HTRA1: variants seen among roughly 807,000 people sequenced by gnomAD.
HTRA1 encodes the protein HtrA serine peptidase 1.
In HTRA1, 26 loss-of-function variants were observed where a neutral mutation model predicts 49.7. The ratio of observed to expected loss-of-function variants is 0.52; its 90% confidence interval spans 0.38 to 0.73. The LOEUF (loss-of-function observed/expected upper bound fraction) is 0.73. HTRA1 is among the 30% of genes least tolerant of loss of function. HTRA1 has a pLI of 0.00. For missense variants in HTRA1, 561 were observed against 667.2 expected, an observed-to-expected ratio of 0.84 and a Z score of 1.75; for synonymous variants, 291 against 286.9, an observed-to-expected ratio of 1.01 and a Z score of -0.14.
intron 4 of HTRA1, among the ~76,000 whole-genome samples, 188 bp downstream of exon 4, chr10:122,507,073 A>G (rs1242918178): frequency 2.0e-5 from 3 of 152,216 alleles, no homozygotes; most frequent in African/African-American, 7.2e-5. Flanking sequence ...ACACCGGAGC[A>G]GGTGGACAGC....
intron 3 of HTRA1, among the ~76,000 whole-genome samples, chr10:122,500,371 A>AT (rs1038726758): frequency 1.1e-4 from 17 of 152,278 alleles, no homozygotes; most frequent in African/African-American, 3.9e-4. Flanking sequence ...CTGCTAATGG[A>AT]TTTTTTGGAA....
chr10:122,497,217 C>G (rs994837549), intron 3 of HTRA1, among the ~76,000 whole-genome samples: 1 of 152,182 alleles, frequency 6.6e-6, no homozygotes, highest in African/African-American at 2.4e-5. Flanking sequence ...TCCTTCTTTG[C>G]TTTATCTACC....
chr10:122,478,643 T>C (rs4328161), intron 1 of HTRA1, among the ~76,000 whole-genome samples: 79,508 of 151,442 alleles, frequency 0.53, 22,344 homozygotes, highest in African/African-American at 0.73. Flanking sequence ...CTGCCTGCCT[T>C]GGCCTCCCAA....
chr10:122,461,697 G>T lies in HTRA1; in HGVS notation c.45G>T (p.Leu15=). 1.5e-6 allele frequency: 2 copies of T among 1,302,344 alleles called. No homozygotes were observed. The highest frequency in any genetic ancestry group is 4.7e-5 in the East Asian group (1 of 21,320). 80.7% of individuals were successfully genotyped at this position (1,302,344 alleles called of 1,614,324 possible). Reference sequence around the variant, plus strand: ...CTCTTCTCCCGCTGCTGCTGCTGCTGCTGGCGGCGCCCGCCTCGGCGCAGC... The same window carrying T: ...CTCTTCTCCCGCTGCTGCTGCTGCTTCTGGCGGCGCCCGCCTCGGCGCAGC... ...RAALLPLLLL[L]LAAPASAQLS... The change falls in exon 1 of 9, where the codon CTG becomes CTT. Residue 15 remains leucine (L), a synonymous_variant. Coordinates refer to ENST00000368984, the MANE Select transcript of HTRA1 (RefSeq NM_002775.5).
chr10:122,499,571 C>A (rs1007361154), intron 3 of HTRA1, among the ~76,000 whole-genome samples: 1 of 152,120 alleles, frequency 6.6e-6, no homozygotes, highest in South Asian at 2.1e-4. Flanking sequence ...TTCACAGTTC[C>A]TCCCCTGCCC....
chr10:122,472,073 A>C (rs893677880), intron 1 of HTRA1, among the ~76,000 whole-genome samples: 1 of 152,158 alleles, frequency 6.6e-6, no homozygotes, highest in Non-Finnish European at 1.5e-5. Flanking sequence ...ATCAGTATAA[A>C]TATCATGGTG....
rs1406515698 is a variant in HTRA1, at chr10:122,506,212, C to T, written c.778-479C>T. On this transcript the variant is annotated intron_variant, in intron 3 of 8. Coordinates refer to ENST00000368984, the MANE Select transcript of HTRA1 (RefSeq NM_002775.5). This position sits in a 1 kb window ranked among gnomAD's most constrained non-coding sequence, Gnocchi z 5.2. ...CGCAGAGCACCCCAAATATTCCAGG[C>T]CTCAGGACGGATGTGCACATGATGA... Among the ~76,000 whole-genome samples, 2 of 150,746 alleles carry T rather than the reference C, an allele frequency of 1.3e-5. No individual in the cohort carries two copies. Among genetic ancestry groups the T allele is most frequent in the Non-Finnish European group, 3.0e-5 (2 of 67,598 alleles).
intron 1 of HTRA1, among the ~76,000 whole-genome samples, chr10:122,480,570 G>A (rs939690874): frequency 6.6e-6 from 1 of 152,180 alleles, no homozygotes; most frequent in Admixed American, 6.5e-5. Flanking sequence ...TGGTGATTGA[G>A]GGTCCCTGCT....
chr10:122,476,245 A>G (rs1281337540), intron 1 of HTRA1, among the ~76,000 whole-genome samples: 6 of 151,654 alleles, frequency 4.0e-5, no homozygotes, highest in African/African-American at 1.5e-4. Flanking sequence ...GTCTTTCCCC[A>G]CTCCTCTGCC....
intron 1 of HTRA1, among the ~76,000 whole-genome samples, chr10:122,471,715 AGGGGCCAGTGT>A (rs2097486206): frequency 6.6e-6 from 1 of 152,178 alleles, no homozygotes; most frequent in African/African-American, 2.4e-5. Flanking sequence ...GCTCATCTGT[AGGGGCCAGTGT>A]GGAGTCTGTT....
intron 1 of HTRA1, among the ~76,000 whole-genome samples, chr10:122,473,463 A>G (rs1052955485): frequency 6.6e-6 from 1 of 152,202 alleles, no homozygotes; most frequent in Non-Finnish European, 1.5e-5. Flanking sequence ...TATTTATTCA[A>G]ATGTTTTGTA....
intron 1 of HTRA1, among the ~76,000 whole-genome samples, chr10:122,465,820 C>T (rs909467773): frequency 6.6e-6 from 1 of 152,204 alleles, no homozygotes; most frequent in Non-Finnish European, 1.5e-5. Context: ...CCAGATTCCC[C>T]CATGTCCCAA....
chr10:122,514,096 T>G lies in HTRA1; in HGVS notation c.1275-95T>G, dbSNP rs143771259. 7.0e-4 allele frequency: 883 copies of G among 1,260,390 alleles called. 5 individuals are homozygous for G. In the African/African-American group the frequency reaches 0.012, roughly 17 times the overall value. 78.1% of individuals were successfully genotyped at this position (1,260,390 alleles called of 1,614,324 possible). A position where few individuals can be genotyped will look rare whatever the true frequency, so the allele number is the denominator to read the frequency against. On this transcript the variant is annotated intron_variant, in intron 8 of 8. Coordinates refer to ENST00000368984, the MANE Select transcript of HTRA1 (RefSeq NM_002775.5). ...CCGTCCAATCCTGTTTGCTCTGGGC[T>G]TTTAGGTTCTAAGCTGTGCCTCTGT...
intron 1 of HTRA1, among the ~76,000 whole-genome samples, chr10:122,475,883 C>G (rs1316865378): frequency 6.6e-6 from 1 of 152,224 alleles, no homozygotes; most frequent in Non-Finnish European, 1.5e-5. Context: ...AGTGCTGGGC[C>G]GGGCTCTGGG....
chr10:122,477,569 C>T (rs1037949624), intron 1 of HTRA1, among the ~76,000 whole-genome samples: 1 of 152,214 alleles, frequency 6.6e-6, no homozygotes, highest in African/African-American at 2.4e-5. Flanking sequence ...TCCAAGTTCT[C>T]CTGACACTGC....
At position 122,491,653 on chromosome 10, in the gene HTRA1, C is replaced by T. The variant is rs1258637976; in HGVS notation, c.777+2027C>T. Among the ~76,000 whole-genome samples the T allele has an allele frequency of 3.9e-5, 6 of 152,346 alleles. No homozygotes were observed. The East Asian group carries it at 1.2e-3, about 29-fold the overall frequency. ...GTGGAGACTGTCTCCTCGTGCCATC[C>T]CTGGCATGTCCTGGCAAGACGTGAA... On this transcript the variant is annotated intron_variant, in intron 3 of 8. Coordinates refer to ENST00000368984, the MANE Select transcript of HTRA1 (RefSeq NM_002775.5).
chr10:122,476,641 A>G lies in HTRA1; in HGVS notation c.473-12261A>G, dbSNP rs575284813. Among the ~76,000 whole-genome samples, 9 of 152,328 alleles carry G rather than the reference A, an allele frequency of 5.9e-5. No homozygotes were observed. The East Asian group carries it at 1.7e-3, about 29-fold the overall frequency. ...TCGGTCCCAGTTGTCCTGGGCCTGC[A>G]GCCCTTGCATTCTCTCTGCTTTGTC... On this transcript the variant is annotated intron_variant, in intron 1 of 8. Transcript: ENST00000368984.
Position 122,513,969 on chromosome 10 carries a change from C to A in HTRA1, c.1275-222C>A, listed in dbSNP as rs533851298. ...GGCCAGGCTGGTCTTGAACTCCTGACCTCAGGTGATCCACCTGCCTCAGCC... is the reference window on the plus strand; with the variant it reads ...GGCCAGGCTGGTCTTGAACTCCTGAACTCAGGTGATCCACCTGCCTCAGCC... On this transcript the variant is annotated intron_variant, in intron 8 of 8. Coordinates refer to ENST00000368984, the MANE Select transcript of HTRA1 (RefSeq NM_002775.5). Among the ~76,000 whole-genome samples, 3 of 151,426 alleles carry A rather than the reference C, an allele frequency of 2.0e-5. No homozygotes were observed. In the South Asian group the frequency reaches 6.3e-4, roughly 32 times the overall value.
Position 122,487,292 on chromosome 10 carries a change from C to A in HTRA1, c.473-1610C>A, listed in dbSNP as rs1296442594. ...GCAGACCAGCCTGGAACCTCTCCAG[C>A]CTGCTTTAGCAGAGACTTGTTAAGA... On this transcript the variant is annotated intron_variant, in intron 1 of 8. Coordinates refer to ENST00000368984, the MANE Select transcript of HTRA1 (RefSeq NM_002775.5). This position sits in a 1 kb window ranked among gnomAD's most constrained non-coding sequence, Gnocchi z 4.8. Among the ~76,000 whole-genome samples the A allele has an allele frequency of 6.6e-6, 1 of 152,120 alleles. No individual in the cohort carries two copies. Among genetic ancestry groups the A allele is most frequent in the Non-Finnish European group, 1.5e-5 (1 of 68,038 alleles).
Sources: gnomAD v4.1 joint callset for allele counts (sites outside exome capture counted in the v4.1 genomes callset) on GRCh38, gnomAD v4.1.1 for gene constraint, Gnocchi (gnomAD v3.1) non-coding constraint, MANE v1.5 for transcripts, NCBI Gene and HGNC (gene_info 2026-07-23, HGNC 2026-07-21) for gene names.